The following MAGEA8 variants were observed in gnomAD, a reference collection of about 807,000 sequenced individuals.
MAGEA8 encodes MAGE family member A8.
For missense variants in MAGEA8, 229 were observed against 251.1 expected (o/e 0.91, Z 0.59); for synonymous variants, 104 against 102.6 (o/e 1.01, Z -0.08).
chrX:149,884,758 G>A lies in MAGEA8; in HGVS notation c.486G>A (p.Gln162=), dbSNP rs893151936. 3.3e-6 allele frequency: 4 copies of A among 1,211,327 alleles called. No homozygotes were observed. Among genetic ancestry groups the A allele is most frequent in the African/African-American group, 3.5e-5 (2 of 57,827 alleles). Residue 162 remains glutamine (Q), a synonymous_variant, in exon 3 of 3, where the codon CAG becomes CAA. Coordinates refer to ENST00000286482, the MANE Select transcript of MAGEA8 (RefSeq NM_005364.5). Reference sequence around the variant, plus strand: ...TCAGCAAAGCCTCTGAGTGCATGCAGGTGATCTTTGGCATTGATGTGAAGG... The same window carrying A: ...TCAGCAAAGCCTCTGAGTGCATGCAAGTGATCTTTGGCATTGATGTGAAGG... ...DIFSKASECM[Q]VIFGIDVKEV...
In MAGEA8 at chrX:149,884,339, C is replaced by T. The variant is rs2090747839; in HGVS notation, c.67C>T (p.Pro23Ser). ...AGGCCTTCAGGCCCAAGGAGAGGCA[C>T]CAGGGCTTATGGATGTGCAGATTCC... ...EEGLQAQGEAPGLMDVQIPTA... is the reference protein window; with the variant it reads ...EEGLQAQGEASGLMDVQIPTA... Residue 23 changes from proline to serine, a missense_variant, in exon 3 of 3, where the codon CCA becomes TCA. Physicochemically the swap from Pro to Ser is moderately conservative, Grantham distance 74. Coordinates refer to ENST00000286482, the MANE Select transcript of MAGEA8 (RefSeq NM_005364.5). The T allele has an allele frequency of 8.3e-7, 1 of 1,207,274 alleles. No individual in the cohort carries two copies. Among genetic ancestry groups the T allele is most frequent in the African/African-American group, 1.7e-5 (1 of 57,287 alleles).
intron 1 of MAGEA8, chrX:149,883,313 C>G (rs1042037028): frequency 9.0e-6 from 1 of 110,649 alleles, no homozygotes; most frequent in Non-Finnish European, 1.9e-5. Context: ...GAACCCCACC[C>G]TGCACCTTCT....
Position 149,885,139 on chromosome X carries a change from C to A in MAGEA8, c.867C>A (p.Val289=). ...TTGCTGAAACCAGCTATGTGAAAGT[C>A]CTGGAGCATGTGGTCAGGGTCAATG... ...RALAETSYVK[V]LEHVVRVNAR... The change falls in exon 3 of 3, where the codon GTC becomes GTA. Residue 289 remains valine (V), a synonymous_variant. Coordinates refer to ENST00000286482, the MANE Select transcript of MAGEA8 (RefSeq NM_005364.5). The A allele has an allele frequency of 8.3e-7, 1 of 1,211,419 alleles. No homozygotes were observed. Among genetic ancestry groups the A allele is most frequent in the African/African-American group, 1.7e-5 (1 of 57,870 alleles).
rs147306402 is a variant in MAGEA8, at chrX:149,884,522, G to A, written c.250G>A (p.Asp84Asn). The change falls in exon 3 of 3, where the codon GAT (aspartate) becomes AAT (asparagine). Residue 84 changes from aspartate to asparagine, a missense_variant. Coordinates refer to ENST00000286482, the MANE Select transcript of MAGEA8 (RefSeq NM_005364.5). ...VTDSTLWSQS[D>N]EGSSSNEEEG... The stretch of plus-strand genomic sequence containing the variant: ...CGACAGCACTCTGTGGAGCCAATCC[G>A]ATGAGGGTTCCAGCAGCAATGAAGA... 29 of 1,209,899 alleles carry A rather than the reference G, an allele frequency of 2.4e-5. No individual in the cohort carries two copies. In the African/African-American group the frequency reaches 3.1e-4, roughly 13 times the overall value.
rs2090757761 is a variant in MAGEA8, at chrX:149,885,518, TCAA to T, written c.*292_*294del. 1.8e-5 allele frequency: 6 copies of T among 338,647 alleles called. No individual in the cohort carries two copies. The highest frequency in any genetic ancestry group is 3.2e-5 in the Non-Finnish European group (6 of 189,245). 27.9% of individuals were successfully genotyped at this position (338,647 alleles called of 1,213,427 possible). ...CTTCTAATGGATGGTGTAATGAACT[TCAA>T]CATTCATTTTATGTATGACAGTAGA... On this transcript the variant is annotated 3_prime_UTR_variant, in exon 3 of 3. Transcript: ENST00000286482.
intron 1 of MAGEA8, among the ~76,000 whole-genome samples, chrX:149,881,892 G>C (rs184097953): frequency 1.8e-5 from 2 of 110,002 alleles, no homozygotes; most frequent in South Asian, 3.9e-4. Context: ...AAGTCAGCAG[G>C]GGGGTGGTGA....
At chrX:149,881,605 G>GGCATGGCGGCCGAGCATGGCGGCCGA (rs1485705972) in intron 1 of MAGEA8, among the ~76,000 whole-genome samples, 1 of 69,771 alleles carries the variant, frequency 1.4e-5, no homozygotes, top group Admixed American at 1.6e-4. Flanking sequence ...ATGGCGGCCG[G>GGCATGGCGGCCGAGCATGGCGGCCGA]GCATGGCGGC....
chrX:149,885,014 C>G lies in MAGEA8; in HGVS notation c.742C>G (p.Leu248Val), dbSNP rs782812593. The change falls in exon 3 of 3, where the codon CTG becomes GTG. Residue 248 changes from leucine (L) to valine (V), a missense_variant. Leu to Val is a conservative substitution (Grantham distance 32). Coordinates refer to ENST00000286482, the MANE Select transcript of MAGEA8 (RefSeq NM_005364.5). ...EHSVYWKLRKLLTQEWVQENY... is the reference protein window; with the variant it reads ...EHSVYWKLRKVLTQEWVQENY... ...CAGTGTCTATTGGAAGCTCAGGAAG[C>G]TGCTCACCCAAGAGTGGGTGCAGGA... is the stretch of plus-strand genomic sequence containing the variant. 1.7e-6 allele frequency: 2 copies of G among 1,207,159 alleles called. No homozygotes were observed. The highest frequency in any genetic ancestry group is 3.5e-5 in the African/African-American group (2 of 57,245).
At position 149,885,231 on chromosome X, in the gene MAGEA8, C is replaced by G. The variant is rs1452374265; in HGVS notation, c.*2C>G. 2.6e-5 allele frequency: 31 copies of G among 1,170,835 alleles called. 1 individual carries two copies. Among genetic ancestry groups the G allele is most frequent in the Non-Finnish European group, 3.3e-5 (29 of 871,881 alleles). Reference sequence around the variant, plus strand: ...TTGGGAGAGGAGAAAGGAGTTTGAGCAGGAGTTGCAGCTAGGGCCAGTGGG... The same window carrying G: ...TTGGGAGAGGAGAAAGGAGTTTGAGGAGGAGTTGCAGCTAGGGCCAGTGGG... On this transcript the variant is annotated 3_prime_UTR_variant, in exon 3 of 3. Transcript: ENST00000286482.
chrX:149,881,590 T>TAGGCATGGCGGCC (rs2090727990), intron 1 of MAGEA8, among the ~76,000 whole-genome samples: 2 of 70,391 alleles, frequency 2.8e-5, no homozygotes, highest in Non-Finnish European at 5.9e-5. Flanking sequence ...TGGGAAGCCC[T>TAGGCATGGCGGCC]AGGCATGGCG....
At chrX:149,883,810 T>G in intron 1 of MAGEA8, 2 of 116,998 alleles carry the variant, frequency 1.7e-5, no homozygotes, top group Admixed American at 8.8e-5. Flanking sequence ...TTCCCCTCGA[T>G]TTATCTTCTA....
Position 149,885,216 on chromosome X carries a change from A to G in MAGEA8, c.944A>G (p.Glu315Gly). Residue 315 changes from glutamate to glycine, a missense_variant, in exon 3 of 3, where the codon GAG (glutamate) becomes GGG (glycine). Physicochemically the swap from Glu to Gly is moderately conservative, Grantham distance 98 (BLOSUM62 -2). Transcript: ENST00000286482. ...CTGCATGAAGAGGCTTTGGGAGAGG[A>G]GAAAGGAGTTTGAGCAGGAGTTGCA... ...PSLHEEALGE[E>G]KGV The G allele has an allele frequency of 8.4e-7, 1 of 1,188,758 alleles. No individual in the cohort carries two copies.
chrX:149,884,952 C>T lies in MAGEA8; in HGVS notation c.680C>T (p.Ala227Val), dbSNP rs782296415. Residue 227 changes from alanine to valine, a missense_variant, in exon 3 of 3, where the codon GCG (alanine) becomes GTG (valine). By Grantham distance (64) the Ala-to-Val change is moderately conservative (BLOSUM62 0). Coordinates refer to ENST00000286482, the MANE Select transcript of MAGEA8 (RefSeq NM_005364.5). ...GCCCCGGAGGAGGCAATCTGGGAAG[C>T]GTTGAGTGTGATGGGGCTGTATGAT... ...SRAPEEAIWE[A>V]LSVMGLYDGR... is the part of the protein sequence containing the mutation. The T allele has an allele frequency of 1.2e-5, 14 of 1,208,434 alleles. No homozygotes were observed. The South Asian group carries it at 1.2e-4, about 11-fold the overall frequency.
Position 149,885,545 on chromosome X carries a change from G to C in MAGEA8, c.*316G>C, listed in dbSNP as rs782247849. 1.2e-5 allele frequency: 4 copies of C among 320,762 alleles called. No homozygotes were observed. The highest frequency in any genetic ancestry group is 5.4e-5 in the Admixed American group (1 of 18,411). 26.4% of individuals were successfully genotyped at this position (320,762 alleles called of 1,213,427 possible). A position where few individuals can be genotyped will look rare whatever the true frequency, so the allele number is the denominator to read the frequency against. On this transcript the variant is annotated 3_prime_UTR_variant, in exon 3 of 3. Transcript: ENST00000286482. ...AACATTCATTTTATGTATGACAGTA[G>C]ACAGACTTACTGCTTTTTATATAGT... is the stretch of plus-strand genomic sequence containing the variant.
chrX:149,882,186 G>A (rs1444207141), intron 1 of MAGEA8, among the ~76,000 whole-genome samples: 1 of 110,915 alleles, frequency 9.0e-6, no homozygotes, highest in Non-Finnish European at 1.9e-5. Flanking sequence ...GGCACCCAAG[G>A]CAGGACAGTG....
intron 1 of MAGEA8, among the ~76,000 whole-genome samples, chrX:149,882,889 T>G (rs1007321754): frequency 9.0e-6 from 1 of 110,772 alleles, no homozygotes; most frequent in Non-Finnish European, 1.9e-5. Flanking sequence ...GGTCATCAGA[T>G]GTGGTGGCTC....
Position 149,885,297 on chromosome X carries a change from C to T in MAGEA8, c.*68C>T, listed in dbSNP as rs1023845508. 246 of 765,243 alleles carry T rather than the reference C, an allele frequency of 3.2e-4. No individual in the cohort carries two copies. Among genetic ancestry groups the T allele is most frequent in the Non-Finnish European group, 4.5e-4 (232 of 519,190 alleles). The allele number at this position is 765,243 out of a possible 1,213,427, so 63.1% of individuals were successfully genotyped here. On this transcript the variant is annotated 3_prime_UTR_variant, in exon 3 of 3. Coordinates refer to ENST00000286482, the MANE Select transcript of MAGEA8 (RefSeq NM_005364.5). ...GCCTGGGCCAGTGCACGTTCCAGGG[C>T]CACATCCACCACTTTCCCTGCTCTG...
In MAGEA8 at chrX:149,884,460, A is replaced by G. The variant is rs1557370899; in HGVS notation, c.188A>G (p.Gln63Arg). The G allele has an allele frequency of 2.5e-6, 3 of 1,209,718 alleles. No homozygotes were observed. The highest frequency in any genetic ancestry group is 3.5e-5 in the South Asian group (2 of 56,763). ...VTDSGSPSPP[Q>R]SPEGASSSLT... Reference sequence around the variant, plus strand: ...GATTCTGGGTCACCAAGTCCTCCCCAGAGTCCTGAGGGTGCCTCCTCTTCC... The same window carrying G: ...GATTCTGGGTCACCAAGTCCTCCCCGGAGTCCTGAGGGTGCCTCCTCTTCC... Residue 63 changes from glutamine (Q) to arginine (R), a missense_variant, in exon 3 of 3, where the codon CAG becomes CGG. Coordinates refer to ENST00000286482, the MANE Select transcript of MAGEA8 (RefSeq NM_005364.5).
Position 149,884,147 on chromosome X carries a change from T to C in MAGEA8, c.-64+13T>C. The C allele has an allele frequency of 1.9e-6, 1 of 525,348 alleles. No homozygotes were observed. Among genetic ancestry groups the C allele is most frequent in the Non-Finnish European group, 3.2e-6 (1 of 308,549 alleles). The allele number at this position is 525,348 out of a possible 1,213,427, so 43.3% of individuals were successfully genotyped here. On this transcript the variant is annotated intron_variant, in intron 2 of 2. Transcript: ENST00000286482. Reference sequence around the variant, plus strand: ...CTGAAGAAGACCTGTAAGTAGACCTTTGTTAGGGCATCCAGGGTGTAGTAC... The same window carrying C: ...CTGAAGAAGACCTGTAAGTAGACCTCTGTTAGGGCATCCAGGGTGTAGTAC...
Sources: gnomAD v4.1 joint callset for allele counts (sites outside exome capture counted in the v4.1 genomes callset) on GRCh38, gnomAD v4.1.1 for gene constraint, MANE v1.5 for transcripts, NCBI Gene and HGNC (gene_info 2026-07-23, HGNC 2026-07-21) for gene names.